Variants in ANGPT1 observed in about 807,000 individuals in gnomAD.
ANGPT1 encodes angiopoietin-1.
Under a neutral mutation model 62.2 loss-of-function variants are expected in ANGPT1, and 17 were observed. That is an observed-to-expected ratio of 0.27 (90% CI 0.19 to 0.41). The LOEUF is 0.41. Among genes scored for constraint, ANGPT1 ranks in the 10% least tolerant of loss-of-function variants. The probability of loss-of-function intolerance (pLI) is 1.00; values close to 1 mark genes in which losing one functional copy is unlikely to be tolerated. For missense variants in ANGPT1, 478 were observed against 594.9 expected, an observed-to-expected ratio of 0.80 and a Z score of 2.04; for synonymous variants, 199 against 198.9, an observed-to-expected ratio of 1.00 and a Z score of 0.00.
chr8:107,367,252 A>G (rs1242852813), intron 1 of ANGPT1, among the ~76,000 whole-genome samples: 1 of 152,232 alleles, frequency 6.6e-6, no homozygotes, highest in Admixed American at 6.5e-5. Flanking sequence ...TTGGGTTTAC[A>G]CTATACTGTG....
Position 107,453,315 on chromosome 8 carries a change from G to C in ANGPT1, c.297+43947C>G, listed in dbSNP as rs115630726. Reference sequence around the variant, plus strand: ...TAAGTTTATATTAGTCTGTTTTCATGCTGCTGATAGAGACATACCTGAGAC... The same window carrying C: ...TAAGTTTATATTAGTCTGTTTTCATCCTGCTGATAGAGACATACCTGAGAC... On this transcript the variant is annotated intron_variant, in intron 1 of 8. Transcript: ENST00000517746. Among the ~76,000 whole-genome samples the C allele has an allele frequency of 4.1e-3, 624 of 152,092 alleles. 3 individuals are homozygous for C. Among genetic ancestry groups the C allele is most frequent in the African/African-American group, 0.015 (602 of 41,508 alleles).
At chr8:107,390,375 C>T (rs1428096666) in intron 1 of ANGPT1, among the ~76,000 whole-genome samples, 1 of 151,218 alleles carries the variant, frequency 6.6e-6, no homozygotes, top group Non-Finnish European at 1.5e-5. Context: ...CTGTGAGACT[C>T]TGACCATTCA....
intron 1 of ANGPT1, among the ~76,000 whole-genome samples, chr8:107,452,512 T>G (rs192545291): frequency 6.6e-6 from 1 of 151,550 alleles, no homozygotes; most frequent in East Asian, 1.9e-4. Context: ...TTATTTTTTT[T>G]GAAGTTTGTA....
chr8:107,320,211 C>T (rs887554637), intron 4 of ANGPT1, among the ~76,000 whole-genome samples: 5 of 152,110 alleles, frequency 3.3e-5, no homozygotes, highest in African/African-American at 4.8e-5. Context: ...CCTGATATTG[C>T]GCCCAAAGTT....
chr8:107,482,793 T>C (rs923153543), intron 1 of ANGPT1, among the ~76,000 whole-genome samples: 1 of 152,166 alleles, frequency 6.6e-6, no homozygotes, highest in Non-Finnish European at 1.5e-5. Context: ...TTAAAAACTA[T>C]ATATAATTTT....
chr8:107,378,272 A>G (rs1461492551), intron 1 of ANGPT1, among the ~76,000 whole-genome samples: 1 of 152,134 alleles, frequency 6.6e-6, no homozygotes, highest in Non-Finnish European at 1.5e-5. Flanking sequence ...TTTAATCTGC[A>G]ACTGCCTCTG....
At chr8:107,318,093 C>T (rs1003275308) in intron 4 of ANGPT1, among the ~76,000 whole-genome samples, 1 of 152,096 alleles carries the variant, frequency 6.6e-6, no homozygotes, top group African/African-American at 2.4e-5. Flanking sequence ...TGAGCTTTGA[C>T]ATTGTGATAA....
intron 1 of ANGPT1, among the ~76,000 whole-genome samples, chr8:107,354,996 C>T (rs2445355): frequency 0.23 from 34,261 of 150,542 alleles, 4,799 homozygotes; most frequent in African/African-American, 0.38. Context: ...CTGCAACCTT[C>T]GCCTCTCGGG....
At chr8:107,402,685 G>A (rs13439787) in intron 1 of ANGPT1, among the ~76,000 whole-genome samples, 5,995 of 152,154 alleles carry the variant, frequency 0.039, 387 homozygotes, top group African/African-American at 0.13. Flanking sequence ...GTAAGAGTGG[G>A]CAGAAACCTA....
chr8:107,298,441 G>T (rs968038656), intron 5 of ANGPT1, among the ~76,000 whole-genome samples: 3 of 151,752 alleles, frequency 2.0e-5, no homozygotes, highest in African/African-American at 4.8e-5. Context: ...GGAAAGTCTT[G>T]TTTCCTACTA....
chr8:107,315,266 T>G (rs1240503638), intron 4 of ANGPT1, among the ~76,000 whole-genome samples: 1 of 152,170 alleles, frequency 6.6e-6, no homozygotes, highest in Non-Finnish European at 1.5e-5. Context: ...TCCTATGAGT[T>G]GAAATTTGAA....
rs1460489591 is a variant in ANGPT1 at position 107,264,300 on chromosome 8, G to T, written c.1257C>A (p.Ile419=). 1 of 1,614,004 alleles carries T rather than the reference G, an allele frequency of 6.2e-7. No homozygotes were observed. The highest frequency in any genetic ancestry group is 8.5e-7 in the Non-Finnish European group (1 of 1,179,936). The change falls in exon 8 of 9, where the codon ATC becomes ATA. Residue 419 remains isoleucine (I), a synonymous_variant. Coordinates refer to ENST00000517746, the MANE Select transcript of ANGPT1 (RefSeq NM_001146.5). ...TGTAGKQSSL[I]LHGADFSTKD... ...TAGTGCTGAAATCAGCACCGTGTAAGATCAGGCTGCTCTGTTTTCCTGCTG... is the reference window on the plus strand; with the variant it reads ...TAGTGCTGAAATCAGCACCGTGTAATATCAGGCTGCTCTGTTTTCCTGCTG...
chr8:107,473,510 TA>T (rs1169552049), intron 1 of ANGPT1, among the ~76,000 whole-genome samples: 4 of 152,080 alleles, frequency 2.6e-5, no homozygotes, highest in Non-Finnish European at 5.9e-5. Flanking sequence ...TCACTTAATG[TA>T]CCTTAATGCC....
At chr8:107,278,920 A>G (rs1471579275) in intron 7 of ANGPT1, among the ~76,000 whole-genome samples, 1 of 152,174 alleles carries the variant, frequency 6.6e-6, no homozygotes, top group Admixed American at 6.6e-5. Context: ...TTTCAAGCAT[A>G]TGTTTTAACC....
At chr8:107,483,259 T>C (rs1812732526) in intron 1 of ANGPT1, among the ~76,000 whole-genome samples, 1 of 152,198 alleles carries the variant, frequency 6.6e-6, no homozygotes, top group Non-Finnish European at 1.5e-5. Context: ...TAGTCTCATA[T>C]GAAACATAAC....
intron 1 of ANGPT1, among the ~76,000 whole-genome samples, chr8:107,481,170 A>G (rs564084156): frequency 6.6e-6 from 1 of 152,272 alleles, no homozygotes; most frequent in East Asian, 1.9e-4. Flanking sequence ...TTTCCATGAA[A>G]AAGCATTAGG....
intron 4 of ANGPT1, among the ~76,000 whole-genome samples, chr8:107,313,272 T>C (rs1003559397): frequency 2.6e-5 from 4 of 152,010 alleles, no homozygotes; most frequent in Non-Finnish European, 4.4e-5. Flanking sequence ...TGCATATTAA[T>C]ATGACTCCTT....
intron 4 of ANGPT1, among the ~76,000 whole-genome samples, chr8:107,305,988 T>G (rs930279801): frequency 6.6e-6 from 1 of 151,592 alleles, no homozygotes; most frequent in Non-Finnish European, 1.5e-5. Context: ...ACCTTTAGAG[T>G]TTTTTTTGTC....
intron 1 of ANGPT1, among the ~76,000 whole-genome samples, chr8:107,447,238 G>T (rs1298756874): frequency 6.6e-6 from 1 of 152,148 alleles, no homozygotes; most frequent in Non-Finnish European, 1.5e-5. Flanking sequence ...GTGATTGCAT[G>T]TTTGAAATTG....
Sources: gnomAD v4.1 joint callset for allele counts (sites outside exome capture counted in the v4.1 genomes callset) on GRCh38, gnomAD v4.1.1 for gene constraint, MANE v1.5 for transcripts, NCBI Gene and HGNC (gene_info 2026-07-23, HGNC 2026-07-21) for gene names.